The following RYR3 variants were observed in gnomAD, a reference collection of about 807,000 sequenced individuals.
The protein encoded by RYR3 is ryanodine receptor 3.
A neutral mutation model predicts 584.3 loss-of-function variants in RYR3; 207 were observed. The ratio of observed to expected loss-of-function variants is 0.35; its 90% CI spans 0.32 to 0.40. The LOEUF (loss-of-function observed/expected upper bound fraction) is 0.40, where lower values mean the gene tolerates loss of function less well. RYR3 is among the 10% of genes least tolerant of loss of function. The probability of loss-of-function intolerance (pLI) is 1.00; values close to 1 mark genes in which losing one functional copy is unlikely to be tolerated. For missense variants in RYR3, 5,616 were observed against 6,089.2 expected (o/e 0.92, Z 2.59); for synonymous variants, 2,416 against 2,248.5 (o/e 1.07, Z -2.11).
chr15:33,523,511 G>A (rs1567443468), intron 3 of RYR3, among the ~76,000 whole-genome samples: 1 of 152,108 alleles, frequency 6.6e-6, no homozygotes, highest in Non-Finnish European at 1.5e-5. Flanking sequence ...TGAAGTCAGT[G>A]AGACCAAGAA....
At position 33,785,707 on chromosome 15, in the gene RYR3, C is replaced by A. The variant is rs1275983097; in HGVS notation, c.9314C>A (p.Pro3105His). Reference sequence around the variant, plus strand: ...GTAGAAGACATGTGTCCTGACATCCCCCAGCTGGAAGGCCTGATGAAGGAA... The same window carrying A: ...GTAGAAGACATGTGTCCTGACATCCACCAGCTGGAAGGCCTGATGAAGGAA... ...DTVEDMCPDI[P>H]QLEGLMKEIN... The change falls in exon 66 of 104, where the codon CCC (proline) becomes CAC (histidine). Residue 3105 changes from proline to histidine, a missense_variant. Around this residue, in one of 9 missense-constraint regions of RYR3, gnomAD observed 954 missense variants for 1,132.2 expected, o/e 0.84. Transcript: ENST00000634891. 6.2e-7 allele frequency: 1 copy of A among 1,612,526 alleles called. No individual in the cohort carries two copies. Among genetic ancestry groups the A allele is most frequent in the East Asian group, 2.2e-5 (1 of 44,878 alleles).
At chr15:33,731,337 G>A (rs1011427117) in intron 47 of RYR3, 137 bp from the exon 48 acceptor site, 1 of 592,826 alleles carries the variant, frequency 1.7e-6, no homozygotes, top group Non-Finnish European at 3.0e-6. Flanking sequence ...CGATAAGGTA[G>A]AAAGTTGTTC....
chr15:33,581,779 C>A, intron 14 of RYR3, 136 bp downstream of exon 14: 1 of 754,390 alleles, frequency 1.3e-6, no homozygotes. Flanking sequence ...TTTTGTTAAC[C>A]ATTCAATTTT....
intron 3 of RYR3, among the ~76,000 whole-genome samples, chr15:33,506,912 G>A (rs1567398392): frequency 6.6e-6 from 1 of 152,190 alleles, no homozygotes; most frequent in African/African-American, 2.4e-5. Context: ...GAGTTAACAT[G>A]ACAGAGCAGA....
intron 42 of RYR3, among the ~76,000 whole-genome samples, chr15:33,706,498 T>C (rs1444205387): frequency 1.3e-5 from 2 of 152,244 alleles, no homozygotes; most frequent in East Asian, 3.8e-4. Context: ...ATTTGTCTTT[T>C]TGTGACTGGC....
intron 1 of RYR3, among the ~76,000 whole-genome samples, chr15:33,384,058 A>G (rs559999733): frequency 5.9e-5 from 9 of 152,210 alleles, no homozygotes; most frequent in South Asian, 4.1e-4. Flanking sequence ...AGAGCTAAAC[A>G]AAACAATGGC....
chr15:33,643,764 T>A (rs2061956186), intron 27 of RYR3, among the ~76,000 whole-genome samples: 1 of 152,216 alleles, frequency 6.6e-6, no homozygotes, highest in Non-Finnish European at 1.5e-5. Context: ...TTATTTTGTA[T>A]ATTTAAGGTA....
rs114754766 is a variant in RYR3, at chr15:33,730,853, G to A, written c.7204-621G>A. Among the ~76,000 whole-genome samples the A allele has an allele frequency of 7.7e-3, 1,174 of 152,270 alleles. 19 individuals are homozygous for A. The highest frequency in any genetic ancestry group is 0.027 in the African/African-American group (1,137 of 41,548). On this transcript the variant is annotated intron_variant, in intron 47 of 103. Transcript: ENST00000634891. Reference sequence around the variant, plus strand: ...TCCCAAGTTTCTGTTCCTTTTCCACGTTGCCCATGCAGAGTCAGGTTCCCT... The same window carrying A: ...TCCCAAGTTTCTGTTCCTTTTCCACATTGCCCATGCAGAGTCAGGTTCCCT...
intron 40 of RYR3, 98 bp from the exon 41 acceptor site, chr15:33,699,606 G>C: frequency 9.3e-7 from 1 of 1,073,806 alleles, no homozygotes; most frequent in South Asian, 1.8e-5. Context: ...ATTTTTCCAA[G>C]TGTTCACACT....
chr15:33,851,198 C>T (rs146189694), intron 94 of RYR3: 3 of 152,266 alleles, frequency 2.0e-5, no homozygotes, highest in East Asian at 3.9e-4. Context: ...AACAGTGCTA[C>T]AGTGAACATT....
chr15:33,777,622 G>A (rs1438641924), intron 64 of RYR3, among the ~76,000 whole-genome samples: 2 of 152,064 alleles, frequency 1.3e-5, no homozygotes, highest in Admixed American at 6.5e-5. Flanking sequence ...AGGTTTGTTA[G>A]TAATTAAAAT....
In RYR3 at chr15:33,860,678, C is replaced by G. The variant is rs767713648; in HGVS notation, c.14364+19C>G. The G allele has an allele frequency of 1.3e-6, 2 of 1,512,018 alleles. No homozygotes were observed. Among genetic ancestry groups the G allele is most frequent in the Non-Finnish European group, 1.8e-6 (2 of 1,104,838 alleles). The allele number at this position is 1,512,018 out of a possible 1,614,324, so 93.7% of individuals were successfully genotyped here. On this transcript the variant is annotated intron_variant, in intron 101 of 103. Coordinates refer to ENST00000634891, the MANE Select transcript of RYR3 (RefSeq NM_001036.6). The stretch of plus-strand genomic sequence containing the variant: ...TATGGAGGTAATGTTACTCTAACTA[C>G]TAATCCCAGCTCTATTTTAATATCC...
intron 1 of RYR3, among the ~76,000 whole-genome samples, chr15:33,445,751 AAGAATTCAATGGT>A (rs1185315635): frequency 6.6e-6 from 1 of 151,144 alleles, no homozygotes; most frequent in African/African-American, 2.4e-5. Flanking sequence ...AACACAAAGG[AAGAATTCAATGGT>A]TTATTTTTTT....
intron 67 of RYR3, among the ~76,000 whole-genome samples, chr15:33,794,284 GAA>G (rs1567185186): frequency 2.8e-5 from 1 of 35,762 alleles, no homozygotes; most frequent in Non-Finnish European, 8.4e-5. Flanking sequence ...GGTAAGGAAA[GAA>G]AAGATTTTTT....
At chr15:33,532,737 A>G (rs982027011) in intron 4 of RYR3, among the ~76,000 whole-genome samples, 2 of 152,172 alleles carry the variant, frequency 1.3e-5, no homozygotes, top group Non-Finnish European at 2.9e-5. Flanking sequence ...TAATATTTCT[A>G]ACTCATTTCT....
chr15:33,659,303 C>T (rs1476798991), intron 32 of RYR3, among the ~76,000 whole-genome samples: 1 of 152,230 alleles, frequency 6.6e-6, no homozygotes, highest in Non-Finnish European at 1.5e-5. Flanking sequence ...GTTATCATCT[C>T]CTATGGGCAG....
chr15:33,430,080 C>T (rs954660255), intron 1 of RYR3, among the ~76,000 whole-genome samples: 1 of 152,336 alleles, frequency 6.6e-6, no homozygotes, highest in Non-Finnish European at 1.5e-5. Context: ...GCAAAAAACA[C>T]GAAGAGGAGG....
chr15:33,609,509 A>T (rs971729410), intron 18 of RYR3, among the ~76,000 whole-genome samples: 1 of 152,220 alleles, frequency 6.6e-6, no homozygotes, highest in Non-Finnish European at 1.5e-5. Flanking sequence ...TACAAAAATT[A>T]TCTGGGCAGT....
chr15:33,532,961 A>C (rs2055011329), intron 4 of RYR3, among the ~76,000 whole-genome samples: 1 of 152,188 alleles, frequency 6.6e-6, no homozygotes, highest in South Asian at 2.1e-4. Flanking sequence ...CACAAAATTT[A>C]TTTTAATTAG....
Sources: gnomAD v4.1 joint callset for allele counts (sites outside exome capture counted in the v4.1 genomes callset) on GRCh38, gnomAD v4.1.1 for gene constraint, gnomAD v4.1.1 regional missense constraint, MANE v1.5 for transcripts, NCBI Gene and HGNC (gene_info 2026-07-23, HGNC 2026-07-21) for gene names.